The following CHL1 variants were observed in gnomAD, a reference collection of about 807,000 sequenced individuals.
CHL1 encodes the protein cell adhesion molecule L1 like.
A neutral mutation model predicts 141.9 loss-of-function variants in CHL1; 96 were observed. The ratio of observed to expected loss-of-function variants is 0.68; its 90% CI spans 0.57 to 0.80. The LOEUF (loss-of-function observed/expected upper bound fraction) is 0.80, where lower values mean the gene tolerates loss of function less well. Ranked by LOEUF, CHL1 falls within the 30% of genes least tolerant of loss-of-function variation. CHL1 has a pLI of 0.00. For synonymous variants in CHL1, 613 were observed against 502.2 expected (o/e 1.22, Z -2.95); for missense variants, 1,820 against 1,457.2 (o/e 1.25, Z -4.05).
intron 2 of CHL1, among the ~76,000 whole-genome samples, chr3:317,395 A>G (rs910402878): frequency 2.0e-5 from 3 of 151,976 alleles, no homozygotes; most frequent in Non-Finnish European, 4.4e-5. Context: ...TTGGCTATCT[A>G]GTTATTCTTG....
At chr3:322,645 A>AATATATATATAT (rs4002786) in intron 3 of CHL1, among the ~76,000 whole-genome samples, 87 of 130,200 alleles carry the variant, frequency 6.7e-4, no homozygotes, top group African/African-American at 1.6e-3. Context: ...ATATATATAA[A>AATATATATATAT]ATATATATAT....
chr3:359,833 T>C (rs976810568), intron 11 of CHL1, among the ~76,000 whole-genome samples: 10 of 152,118 alleles, frequency 6.6e-5, no homozygotes, highest in Admixed American at 6.6e-4. Context: ...GGCAGAGAAC[T>C]GAAACGGGAA....
intron 2 of CHL1, among the ~76,000 whole-genome samples, chr3:296,239 C>A (rs1160319474): frequency 2.0e-5 from 3 of 152,128 alleles, no homozygotes; most frequent in South Asian, 2.1e-4. Context: ...TCAGTTAAGA[C>A]CTATCCTCCA....
chr3:212,620 C>T (rs1464969332), intron 1 of CHL1, among the ~76,000 whole-genome samples: 1 of 152,194 alleles, frequency 6.6e-6, no homozygotes, highest in Non-Finnish European at 1.5e-5. Context: ...TGAAAATTTC[C>T]CCTGGCTCCC....
chr3:241,777 T>G (rs776155841), intron 1 of CHL1, among the ~76,000 whole-genome samples: 14 of 152,302 alleles, frequency 9.2e-5, no homozygotes, highest in Non-Finnish European at 1.9e-4. Flanking sequence ...TCTCCATTCT[T>G]GTTTTACATT....
At chr3:304,690 A>G (rs902413647) in intron 2 of CHL1, among the ~76,000 whole-genome samples, 4 of 152,082 alleles carry the variant, frequency 2.6e-5, no homozygotes, top group Admixed American at 6.6e-5. Flanking sequence ...TCAATAAACC[A>G]GCTCCTGGTT....
In CHL1 at chr3:398,247, T is replaced by C. The variant is rs550910339; in HGVS notation, c.3115T>C (p.Ser1039Pro). ...CTTAGGTAAAGGTATCGGGAAGATA[T>C]CAGGAGTAAATCTTACTCAAAAGAC... Reference protein sequence around the residue: ...GEGSKGIGKISGVNLTQKTHP... With the variant: ...GEGSKGIGKIPGVNLTQKTHP... The change falls in exon 25 of 28, where the codon TCA becomes CCA. Residue 1039 changes from serine (S) to proline (P), a missense_variant. Physicochemically the swap from Ser to Pro is moderately conservative, Grantham distance 74 (BLOSUM62 -1). Coordinates refer to ENST00000256509, the MANE Select transcript of CHL1 (RefSeq NM_006614.4). The C allele has an allele frequency of 1.2e-6, 2 of 1,602,064 alleles. No homozygotes were observed. Among genetic ancestry groups the C allele is most frequent in the South Asian group, 2.2e-5 (2 of 89,922 alleles).
chr3:381,660 A>G (rs556978005), intron 16 of CHL1, among the ~76,000 whole-genome samples: 1 of 152,248 alleles, frequency 6.6e-6, no homozygotes, highest in East Asian at 1.9e-4. Context: ...TAAGGAAGAG[A>G]AGCTTTGTTT....
At position 377,835 on chromosome 3, in the gene CHL1, C is replaced by G. The variant is rs1257323296; in HGVS notation, c.1769C>G (p.Ala590Gly). The change falls in exon 16 of 28, where the codon GCT (alanine) becomes GGT (glycine). Residue 590 changes from alanine to glycine, a missense_variant. Ala to Gly is a moderately conservative substitution (Grantham distance 60, BLOSUM62 0). Coordinates refer to ENST00000256509, the MANE Select transcript of CHL1 (RefSeq NM_006614.4). ...TCTGATAGGATAATTATTGATGGAG[C>G]TAATTTGACCATATCTAATGTAACT... ...TEDGRIIIDG[A>G]NLTISNVTLE... The G allele has an allele frequency of 6.2e-7, 1 of 1,607,866 alleles. No individual in the cohort carries two copies. Among genetic ancestry groups the G allele is most frequent in the Non-Finnish European group, 8.5e-7 (1 of 1,175,148 alleles).
At chr3:288,505 C>T (rs1697374932) in intron 2 of CHL1, among the ~76,000 whole-genome samples, 2 of 152,058 alleles carry the variant, frequency 1.3e-5, no homozygotes, top group African/African-American at 4.8e-5. Context: ...TACAGATCTA[C>T]TGTTCCTCTG....
chr3:365,839 C>T (rs1704810086), intron 14 of CHL1, 111 bp from the exon 15 acceptor site: 1 of 707,244 alleles, frequency 1.4e-6, no homozygotes, highest in South Asian at 2.0e-5. Flanking sequence ...ACAAACCCTG[C>T]ATGAGGATTG....
chr3:229,421 G>A (rs1008351381), intron 1 of CHL1, among the ~76,000 whole-genome samples: 29 of 152,088 alleles, frequency 1.9e-4, no homozygotes, highest in Admixed American at 3.3e-4. Flanking sequence ...AAATTCAGTT[G>A]CAGCCACTCC....
At chr3:240,279 T>C (rs1049910745) in intron 1 of CHL1, among the ~76,000 whole-genome samples, 2 of 152,184 alleles carry the variant, frequency 1.3e-5, no homozygotes, top group African/African-American at 4.8e-5. Context: ...TTTTTTTCAT[T>C]ATGGCCATTC....
At chr3:280,878 GACAC>G (rs1696580428) in intron 2 of CHL1, among the ~76,000 whole-genome samples, 1 of 150,524 alleles carries the variant, frequency 6.6e-6, no homozygotes, top group African/African-American at 2.5e-5. Context: ...AAAACACGTA[GACAC>G]ACACATGCAC....
chr3:378,041 C>A, intron 16 of CHL1, 99 bp downstream of exon 16: 2 of 1,045,764 alleles, frequency 1.9e-6, no homozygotes, highest in Non-Finnish European at 2.6e-6. Context: ...TGAGCCCCTG[C>A]ACATATATTG....
At position 394,712 on chromosome 3, in the gene CHL1, T is replaced by G; in HGVS notation, c.2934T>G (p.Ile978Met). The G allele has an allele frequency of 6.2e-7, 1 of 1,611,306 alleles. No individual in the cohort carries two copies. Among genetic ancestry groups the G allele is most frequent in the Non-Finnish European group, 8.5e-7 (1 of 1,178,912 alleles). Residue 978 changes from isoleucine to methionine, a missense_variant, in exon 24 of 28, where the codon ATT becomes ATG. Transcript: ENST00000256509. ...QYQIINDTYE[I>M]GELNDINITT... Reference sequence around the variant, plus strand: ...TTTTAGTAAATGACACCTACGAGATTGGAGAATTAAATGATATTAACATTA... The same window carrying G: ...TTTTAGTAAATGACACCTACGAGATGGGAGAATTAAATGATATTAACATTA...
At chr3:272,193 A>G (rs1695693649) in intron 2 of CHL1, among the ~76,000 whole-genome samples, 1 of 152,194 alleles carries the variant, frequency 6.6e-6, no homozygotes, top group Admixed American at 6.5e-5. Flanking sequence ...CTGTTATTTG[A>G]AACACATTAC....
intron 3 of CHL1, among the ~76,000 whole-genome samples, chr3:324,260 G>A (rs1264574934): frequency 1.3e-5 from 2 of 152,172 alleles, no homozygotes; most frequent in African/African-American, 4.8e-5. Flanking sequence ...CTCTACTGTG[G>A]AATAGTACTT....
At chr3:303,471 C>T (rs1036067025) in intron 2 of CHL1, among the ~76,000 whole-genome samples, 1 of 152,078 alleles carries the variant, frequency 6.6e-6, no homozygotes, top group African/African-American at 2.4e-5. Flanking sequence ...AAGTTGTATT[C>T]CTAGGCATTT....
Sources: allele counts gnomAD v4.1 joint callset (sites outside exome capture counted in the v4.1 genomes callset), GRCh38; gene constraint gnomAD v4.1.1; transcripts MANE v1.5; gene names NCBI Gene and HGNC (gene_info 2026-07-23, HGNC 2026-07-21).